The following TRPM8 variants were observed in gnomAD, a reference collection of about 807,000 sequenced individuals.
TRPM8 encodes transient receptor potential cation channel subfamily M member 8, also known as TRPM8 cationic channel.
In TRPM8, 110 loss-of-function variants were observed where a neutral mutation model predicts 133.7. The observed-to-expected ratio is 0.82, with a 90% CI of 0.70 to 0.96. The LOEUF (loss-of-function observed/expected upper bound fraction) is 0.96. Among genes scored for constraint, TRPM8 ranks in the 40% least tolerant of loss-of-function variants. The pLI is 0.00. For synonymous variants in TRPM8, 535 were observed against 532.3 expected (o/e 1.01, Z -0.07); for missense variants, 1,291 against 1,379.5 (o/e 0.94, Z 1.02).
chr2:233,966,448 A>G (rs1019909567), intron 14 of TRPM8, among the ~76,000 whole-genome samples, 162 bp from the exon 15 acceptor site: 1 of 152,208 alleles, frequency 6.6e-6, no homozygotes. Context: ...TCTGCTATTC[A>G]GTAACAAATT....
intron 14 of TRPM8, chr2:233,965,950 G>A (rs1691558864): frequency 6.6e-6 from 1 of 151,916 alleles, no homozygotes; most frequent in Non-Finnish European, 1.5e-5. Flanking sequence ...CTGGGTTCAA[G>A]CGATTCTCCT....
Position 233,950,100 on chromosome 2 carries a change from C to A in TRPM8, c.1094C>A (p.Thr365Lys). ...KEKLVRFLPR[T>K]VSRLPEEETE... ...AAGCTGGTGCGCTTTTTACCCCGCA[C>A]GGTGTCCCGGCTGCCTGAGGAGGAG... The change falls in exon 9 of 26, where the codon ACG becomes AAG. Residue 365 changes from threonine (T) to lysine (K), a missense_variant. Physicochemically the swap from Thr to Lys is moderately conservative, Grantham distance 78. Around this residue, in one of 2 missense-constraint regions of TRPM8, gnomAD observed 963 missense variants for 968.9 expected, o/e 0.99. Coordinates refer to ENST00000324695, the MANE Select transcript of TRPM8 (RefSeq NM_024080.5). 1 of 1,613,610 alleles carries A rather than the reference C, an allele frequency of 6.2e-7. No individual in the cohort carries two copies. Among genetic ancestry groups the A allele is most frequent in the South Asian group, 1.1e-5 (1 of 91,044 alleles).
rs1231340363 is a variant in TRPM8 at position 234,017,416 on chromosome 2, A to C, written c.*160A>C. 8.5e-6 allele frequency: 4 copies of C among 467,928 alleles called. No homozygotes were observed. Among genetic ancestry groups the C allele is most frequent in the South Asian group, 6.3e-5 (4 of 63,836 alleles). 29.0% of individuals were successfully genotyped at this position (467,928 alleles called of 1,614,324 possible). A position where few individuals can be genotyped will look rare whatever the true frequency, so the allele number is the denominator to read the frequency against. On this transcript the variant is annotated 3_prime_UTR_variant, in exon 26 of 26. Coordinates refer to ENST00000324695, the MANE Select transcript of TRPM8 (RefSeq NM_024080.5). ...CACCCTAGTGTGCTGAGACCTTGAG[A>C]ATAAAGTGTGTGATTGGTTTCATAC...
chr2:233,950,099 A>T lies in TRPM8; in HGVS notation c.1093A>T (p.Thr365Ser), dbSNP rs751279595. 1 of 1,613,704 alleles carries T rather than the reference A, an allele frequency of 6.2e-7. No individual in the cohort carries two copies. The highest frequency in any genetic ancestry group is 1.8e-4 in the Middle Eastern group (1 of 5,658). Residue 365 changes from threonine (T) to serine (S), a missense_variant, in exon 9 of 26, where the codon ACG becomes TCG. Transcript: ENST00000324695. ...KEKLVRFLPR[T>S]VSRLPEEETE... ...GAAGCTGGTGCGCTTTTTACCCCGC[A>T]CGGTGTCCCGGCTGCCTGAGGAGGA...
chr2:233,947,452 C>G (rs1001230946), intron 8 of TRPM8: 4 of 1,394,178 alleles, frequency 2.9e-6, no homozygotes, highest in Admixed American at 4.3e-5. Context: ...TTGTAACCGG[C>G]ATATATATTA....
At chr2:233,972,616 G>A (rs905514200) in intron 17 of TRPM8, among the ~76,000 whole-genome samples, 20 of 152,360 alleles carry the variant, frequency 1.3e-4, no homozygotes, top group South Asian at 2.1e-4. Flanking sequence ...CCTGCCCCAC[G>A]GGAAGGCAGC....
intron 3 of TRPM8, among the ~76,000 whole-genome samples, chr2:233,933,452 A>G (rs1691720989): frequency 6.6e-6 from 1 of 152,214 alleles, no homozygotes; most frequent in Non-Finnish European, 1.5e-5. Flanking sequence ...CCAAGGGGGT[A>G]GAACTAGGGT....
intron 23 of TRPM8, 138 bp downstream of exon 23, chr2:234,007,090 G>A (rs1431525000): frequency 3.3e-6 from 2 of 610,934 alleles, no homozygotes; most frequent in Admixed American, 5.8e-5. Context: ...ATATTACCCG[G>A]GCAATTGAAG....
In TRPM8 at chr2:233,964,640, A is replaced by T; in HGVS notation, c.1762A>T (p.Thr588Ser). 3 of 1,602,190 alleles carry T rather than the reference A, an allele frequency of 1.9e-6. No homozygotes were observed. The highest frequency in any genetic ancestry group is 2.6e-6 in the Non-Finnish European group (3 of 1,172,062). The change falls in exon 14 of 26, where the codon ACT (threonine) becomes TCT (serine). Residue 588 changes from threonine (T) to serine (S), a missense_variant. Thr to Ser is a moderately conservative substitution (Grantham distance 58). Coordinates refer to ENST00000324695, the MANE Select transcript of TRPM8 (RefSeq NM_024080.5). ...CCCCCCTAAAAAGACCAGGGGCTGC[A>T]CTCTGGCAGCCCTGGGAGCCAGCAA... ...KVIWEQTRGC[T>S]LAALGASKLL...
At chr2:233,927,847 CCTTCCTTTCTTTCTCTTT>C (rs1691579591) in intron 2 of TRPM8, among the ~76,000 whole-genome samples, 3 of 47,922 alleles carry the variant, frequency 6.3e-5, no homozygotes, top group East Asian at 8.3e-4. Flanking sequence ...TTCCTTCCTT[CCTTCCTTTCTTTCTCTTT>C]CTTTCTTTCT....
chr2:233,980,358 C>A, intron 18 of TRPM8, 79 bp downstream of exon 18: 2 of 939,260 alleles, frequency 2.1e-6, no homozygotes, highest in Non-Finnish European at 3.2e-6. Context: ...ACATTTCAAA[C>A]CCAAGGGAAG....
At chr2:233,927,912 C>CTCTCTT (rs1559516654) in intron 2 of TRPM8, among the ~76,000 whole-genome samples, 1 of 28,338 alleles carries the variant, frequency 3.5e-5, no homozygotes. Context: ...CTTTCTTTCT[C>CTCTCTT]TCTCTCTCTC....
intron 22 of TRPM8, among the ~76,000 whole-genome samples, chr2:233,999,251 A>G (rs887064): frequency 0.98 from 148,588 of 152,160 alleles, 72,561 homozygotes; most frequent in East Asian, 1. Flanking sequence ...TGGTCTGGAC[A>G]TCCACACGCA....
intron 22 of TRPM8, among the ~76,000 whole-genome samples, chr2:233,998,980 G>A (rs1379148956): frequency 1.3e-5 from 2 of 152,130 alleles, no homozygotes; most frequent in Non-Finnish European, 2.9e-5. Context: ...ACCACGCTTT[G>A]GTACCTTCAG....
At chr2:233,938,178 G>A (rs1000106447) in intron 4 of TRPM8, among the ~76,000 whole-genome samples, 7 of 152,194 alleles carry the variant, frequency 4.6e-5, no homozygotes, top group Non-Finnish European at 7.3e-5. Flanking sequence ...CCTCCCTGTG[G>A]CCTCAGCATG....
At chr2:233,993,718 G>A (rs992222186) in intron 21 of TRPM8, among the ~76,000 whole-genome samples, 23 of 152,258 alleles carry the variant, frequency 1.5e-4, no homozygotes, top group African/African-American at 5.1e-4. Context: ...TGTGGGCTGC[G>A]TTTCCACTCT....
chr2:233,959,111 C>T lies in TRPM8; in HGVS notation c.1363-1665C>T, dbSNP rs530445585. 1.4e-4 allele frequency among the ~76,000 whole-genome samples: 22 copies of T among 152,064 alleles called. No individual in the cohort carries two copies. The South Asian group carries it at 1.5e-3, about 10-fold the overall frequency. ...CATGATCTCAGCTCACTGCAACCTC[C>T]GCCTCCCAGGTTCAAGCGATTCTCC... is the stretch of plus-strand genomic sequence containing the variant. On this transcript the variant is annotated intron_variant, in intron 11 of 25. Coordinates refer to ENST00000324695, the MANE Select transcript of TRPM8 (RefSeq NM_024080.5).
At chr2:233,985,575 C>T (rs568621837) in intron 20 of TRPM8, 113 bp from the exon 21 acceptor site, 252 of 1,022,740 alleles carry the variant, frequency 2.5e-4, no homozygotes, top group Admixed American at 6.4e-4. Flanking sequence ...GTGCCTTAGA[C>T]GAAGGCCTAA....
At chr2:233,990,175 A>C (rs1420570966) in intron 21 of TRPM8, among the ~76,000 whole-genome samples, 1 of 152,254 alleles carries the variant, frequency 6.6e-6, no homozygotes, top group South Asian at 2.1e-4. Context: ...AAGCTTTCCC[A>C]TGCTGGGCAC....
Sources: allele counts gnomAD v4.1 joint callset (sites outside exome capture counted in the v4.1 genomes callset), GRCh38; gene constraint gnomAD v4.1.1; regional missense constraint gnomAD v4.1.1; transcripts MANE v1.5; gene names NCBI Gene and HGNC (gene_info 2026-07-23, HGNC 2026-07-21).